Variants in TGM2 observed in about 807,000 individuals in gnomAD.
TGM2 encodes transglutaminase 2.
Under a neutral mutation model 75.6 loss-of-function variants are expected in TGM2, and 53 were observed. That is an observed-to-expected ratio of 0.70 (90% CI 0.56 to 0.88). The LOEUF (loss-of-function observed/expected upper bound fraction) is 0.88, where lower values mean the gene tolerates loss of function less well. Among genes scored for constraint, TGM2 ranks in the 40% least tolerant of loss-of-function variants. The pLI, the probability that TGM2 is intolerant of heterozygous loss-of-function variation, is 0.00. For missense variants in TGM2, 842 were observed against 928.5 expected, an observed-to-expected ratio of 0.91 and a Z score of 1.21; for synonymous variants, 374 against 381.1, an observed-to-expected ratio of 0.98 and a Z score of 0.22.
At chr20:38,146,459 C>A in intron 6 of TGM2, 1 of 556,590 alleles carries the variant, frequency 1.8e-6, no homozygotes, top group Non-Finnish European at 3.2e-6. Context: ...TTTTTGAGAA[C>A]GTGGGCTCCA....
rs775529997 is a variant in TGM2 at position 38,138,317 on chromosome 20, T to C, written c.1411A>G (p.Thr471Ala). The C allele has an allele frequency of 4.6e-5, 74 of 1,614,130 alleles. No individual in the cohort carries two copies. Among genetic ancestry groups the C allele is most frequent in the Non-Finnish European group, 6.3e-5 (74 of 1,180,024 alleles). Residue 471 changes from threonine to alanine, a missense_variant, in exon 10 of 13, where the codon ACA becomes GCA. By Grantham distance (58) the Thr-to-Ala change is moderately conservative. Coordinates refer to ENST00000361475, the MANE Select transcript of TGM2 (RefSeq NM_004613.4). ...HLNKLAEKEE[T>A]GMAMRIRVGQ... ...ACACGGATCCGCATGGCCATCCCTGTCTCCTCCTTCTCGGCCAGTTTGTTC... is the reference window on the plus strand; with the variant it reads ...ACACGGATCCGCATGGCCATCCCTGCCTCCTCCTTCTCGGCCAGTTTGTTC...
In TGM2 at chr20:38,127,717, T is replaced by C. The variant is rs2074781159; in HGVS notation, c.*2502A>G. ...TCAAATACCTTACTAATTCTTATAT[T>C]GATTACATGTTGAAATAATGTTTTG... On this transcript the variant is annotated 3_prime_UTR_variant, in exon 13 of 13. Transcript: ENST00000361475. 6.6e-6 allele frequency: 1 copy of C among 152,224 alleles called. No homozygotes were observed. The highest frequency in any genetic ancestry group is 2.4e-5 in the African/African-American group (1 of 41,454). The allele number at this position is 152,224 out of a possible 1,614,324, so 9.4% of individuals were successfully genotyped here.
chr20:38,132,141 C>T (rs953411850), intron 11 of TGM2, among the ~76,000 whole-genome samples, 199 bp downstream of exon 11: 6 of 152,134 alleles, frequency 3.9e-5, no homozygotes, highest in Non-Finnish European at 8.8e-5. Context: ...TTTTCAGATT[C>T]ATTCCTAGAG....
At chr20:38,159,657 G>T (rs1006919062) in intron 2 of TGM2, among the ~76,000 whole-genome samples, 3 of 152,216 alleles carry the variant, frequency 2.0e-5, no homozygotes, top group Non-Finnish European at 2.9e-5. Context: ...TGATAAATGC[G>T]CCTGCTGCAG....
chr20:38,165,079 G>C lies in TGM2; in HGVS notation c.10+110C>G. On this transcript the variant is annotated intron_variant, in intron 1 of 12. Transcript: ENST00000361475. ...TTGAGACGCCTCCTCACCCAGCCCG[G>C]TCTGCCTGTTGCTCTCCAAATCAGG... 2.0e-6 allele frequency: 3 copies of C among 1,535,974 alleles called. No individual in the cohort carries two copies. In the South Asian group the frequency reaches 3.4e-5, roughly 17 times the overall value.
At chr20:38,149,362 C>T (rs1225825185) in intron 4 of TGM2, among the ~76,000 whole-genome samples, 1 of 152,112 alleles carries the variant, frequency 6.6e-6, no homozygotes, top group Non-Finnish European at 1.5e-5. Context: ...TCCCACAGCC[C>T]AGCACAAGAC....
At chr20:38,159,414 C>G (rs1182372630) in intron 2 of TGM2, among the ~76,000 whole-genome samples, 2 of 151,998 alleles carry the variant, frequency 1.3e-5, no homozygotes, top group Admixed American at 1.3e-4. Flanking sequence ...GGGTACTAGA[C>G]TTAGCACCTG....
In TGM2 at chr20:38,151,077, G is replaced by A. The variant is rs2122930529; in HGVS notation, c.434-20C>T. 4 of 1,596,856 alleles carry A rather than the reference G, an allele frequency of 2.5e-6. No individual in the cohort carries two copies. Among genetic ancestry groups the A allele is most frequent in the Non-Finnish European group, 3.4e-6 (4 of 1,164,358 alleles). ...CATCCGCTGCAGGCAGGAAGAAAGGGACCTCAGCTCTGGGTCTGCGGAGGC... is the reference window on the plus strand; with the variant it reads ...CATCCGCTGCAGGCAGGAAGAAAGGAACCTCAGCTCTGGGTCTGCGGAGGC... On this transcript the variant is annotated intron_variant, in intron 3 of 12. Transcript: ENST00000361475.
chr20:38,131,354 C>CT, intron 11 of TGM2, 125 bp from the exon 12 acceptor site: 2 of 1,319,254 alleles, frequency 1.5e-6, no homozygotes, highest in Admixed American at 1.9e-5. Flanking sequence ...CGATCACCCC[C>CT]CCTCCCCCCA....
Position 38,138,231 on chromosome 20 carries a change from G to T in TGM2, c.1497C>A (p.Thr499=), listed in dbSNP as rs764688936. 17 of 1,612,810 alleles carry T rather than the reference G, an allele frequency of 1.1e-5. No individual in the cohort carries two copies. The highest frequency in any genetic ancestry group is 1.7e-5 in the Admixed American group (1 of 59,782). The change falls in exon 10 of 13, where the codon ACC becomes ACA. Residue 499 remains threonine, a synonymous_variant. Transcript: ENST00000361475. ...FDVFAHITNN[T]AEEYVCRLLL... The stretch of plus-strand genomic sequence containing the variant: ...GGAGGCGGCAGACGTACTCCTCAGC[G>T]GTGTTGTTGGTGATGTGGGCAAAGA...
intron 11 of TGM2, 92 bp downstream of exon 11, chr20:38,132,248 G>A: frequency 6.9e-7 from 1 of 1,442,532 alleles, no homozygotes; most frequent in Non-Finnish European, 9.7e-7. Context: ...GAGCTTGCAG[G>A]GATGCAGGTG....
chr20:38,135,549 G>A (rs971069644), intron 10 of TGM2, among the ~76,000 whole-genome samples: 1 of 139,278 alleles, frequency 7.2e-6, no homozygotes, highest in Middle Eastern at 3.5e-3. Flanking sequence ...GGAGCCCACA[G>A]CCAGGCAGCA....
At chr20:38,135,605 A>G (rs567237012) in intron 10 of TGM2, among the ~76,000 whole-genome samples, 67 of 152,094 alleles carry the variant, frequency 4.4e-4, no homozygotes, top group African/African-American at 1.5e-3. Context: ...TTGTGTCCTG[A>G]ACCCCCACAC....
chr20:38,132,396 T>A lies in TGM2; in HGVS notation c.1720A>T (p.Ser574Cys). The change falls in exon 11 of 13, where the codon AGC becomes TGC. Residue 574 changes from serine (S) to cysteine (C), a missense_variant. By Grantham distance (112) the Ser-to-Cys change is moderately radical (BLOSUM62 -1). Transcript: ENST00000361475. Reference sequence around the variant, plus strand: ...AGGTCCCTCTCAGCCAGCAGGTAGCTGTTGATAACTGGCTCCACGAGGAGG... The same window carrying A: ...AGGTCCCTCTCAGCCAGCAGGTAGCAGTTGATAACTGGCTCCACGAGGAGG... ...RALLVEPVINSYLLAERDLYL... is the reference protein window; with the variant it reads ...RALLVEPVINCYLLAERDLYL... 1 of 1,614,182 alleles carries A rather than the reference T, an allele frequency of 6.2e-7. No homozygotes were observed. The highest frequency in any genetic ancestry group is 8.5e-7 in the Non-Finnish European group (1 of 1,180,032).
chr20:38,130,034 G>T lies in TGM2; in HGVS notation c.*185C>A, dbSNP rs762427726. 1 of 734,534 alleles carries T rather than the reference G, an allele frequency of 1.4e-6. No individual in the cohort carries two copies. Among genetic ancestry groups the T allele is most frequent in the Non-Finnish European group, 2.2e-6 (1 of 450,478 alleles). 45.5% of individuals were successfully genotyped at this position (734,534 alleles called of 1,614,324 possible). A position where few individuals can be genotyped will look rare whatever the true frequency, so the allele number is the denominator to read the frequency against. On this transcript the variant is annotated 3_prime_UTR_variant, in exon 13 of 13. Coordinates refer to ENST00000361475, the MANE Select transcript of TGM2 (RefSeq NM_004613.4). ...GCATTCCTCACAGCAAAGGGGGTGA[G>T]TGGGGACCCACAGGCTCAGGAGGCT...
chr20:38,165,186 C>T lies in TGM2; in HGVS notation c.10+3G>A, dbSNP rs760135445. On this transcript the variant is annotated splice_donor_region_variant and intron_variant, in intron 1 of 12. Coordinates refer to ENST00000361475, the MANE Select transcript of TGM2 (RefSeq NM_004613.4). ...TGGCGGCTGCGGTGACTCTGATACT[C>T]ACCCTCGGCCATGGTCGGGCGGGGG... 1 of 1,613,526 alleles carries T rather than the reference C, an allele frequency of 6.2e-7. No individual in the cohort carries two copies. The highest frequency in any genetic ancestry group is 2.2e-5 in the East Asian group (1 of 44,868).
At chr20:38,133,626 T>C (rs1459838211) in intron 10 of TGM2, 10 of 152,182 alleles carry the variant, frequency 6.6e-5, no homozygotes, top group Admixed American at 2.0e-4. Flanking sequence ...GGAGGAGCAG[T>C]AAATAAATAC....
upstream of TGM2, chr20:38,165,501 A>T: frequency 1.9e-6 from 1 of 517,340 alleles, no homozygotes; most frequent in Non-Finnish European, 3.4e-6. Context: ...ATACAGACAC[A>T]CCTGGACCCA....
chr20:38,157,994 T>C (rs577695623), intron 2 of TGM2, among the ~76,000 whole-genome samples: 1 of 152,344 alleles, frequency 6.6e-6, no homozygotes, highest in Admixed American at 6.5e-5. Flanking sequence ...AGAGGGGTGG[T>C]GCTGGGGTGA....
Sources: allele counts gnomAD v4.1 joint callset (sites outside exome capture counted in the v4.1 genomes callset), GRCh38; gene constraint gnomAD v4.1.1; transcripts MANE v1.5; gene names NCBI Gene and HGNC (gene_info 2026-07-23, HGNC 2026-07-21).